The following LILRB4 variants were observed in gnomAD, a reference collection of about 807,000 sequenced individuals.
The protein encoded by LILRB4 is leukocyte immunoglobulin-like receptor subfamily B member 4.
A neutral mutation model predicts 55.2 loss-of-function variants in LILRB4; 49 were observed. That is an observed-to-expected ratio of 0.89 (90% CI 0.71 to 1.13). LILRB4 has a LOEUF of 1.13. LILRB4 is among the 50% of genes most tolerant of loss of function. The pLI is 0.00. For synonymous variants in LILRB4, 229 were observed against 213.8 expected (o/e 1.07, Z -0.62); for missense variants, 590 against 555.2 (o/e 1.06, Z -0.63).
At position 54,666,728 on chromosome 19, in the gene LILRB4, C is replaced by T. The variant is rs149652762; in HGVS notation, c.1020C>T (p.Asp340=). The T allele has an allele frequency of 2.2e-4, 353 of 1,614,154 alleles. No individual in the cohort carries two copies. Among genetic ancestry groups the T allele is most frequent in the Middle Eastern group, 9.9e-4 (6 of 6,056 alleles). Residue 340 remains aspartate (D), a synonymous_variant, in exon 10 of 12, where the codon GAC becomes GAT. Coordinates refer to ENST00000430952, the Ensembl canonical transcript of LILRB4. This position sits in a 1 kb window ranked among gnomAD's most constrained non-coding sequence, Gnocchi z 4.8. ...CCGTGAAGAACACACAGCCTGAGGA[C>T]GGGGTGGAAATGGACACTCGGGTGA...
chr19:54,665,194 T>C lies in LILRB4; in HGVS notation c.757+14T>C. 1 of 1,589,422 alleles carries C rather than the reference T, an allele frequency of 6.3e-7. No homozygotes were observed. Among genetic ancestry groups the C allele is most frequent in the Non-Finnish European group, 8.6e-7 (1 of 1,166,478 alleles). On this transcript the variant is annotated intron_variant, in intron 6 of 11. Coordinates refer to ENST00000430952, the Ensembl canonical transcript of LILRB4. This position sits in a 1 kb window ranked among gnomAD's most constrained non-coding sequence, Gnocchi z 5.5. The stretch of plus-strand genomic sequence containing the variant: ...TCCCCCACAGTGGTGAGTGAGGGGC[T>C]CTGAGTGGGAGGTGGGCAGGGTCTA...
rs754429772 is a variant in LILRB4 at position 54,666,729 on chromosome 19, G to A, written c.1021G>A (p.Gly341Arg). The change falls in exon 10 of 12, where the codon GGG (glycine) becomes AGG (arginine). Residue 341 changes from glycine (G) to arginine (R), a missense_variant. Transcript: ENST00000430952. The surrounding 1 kb of genome is among the most constrained non-coding windows in gnomAD (Gnocchi z 4.8). ...CGTGAAGAACACACAGCCTGAGGAC[G>A]GGGTGGAAATGGACACTCGGGTGAG... 5.8e-5 allele frequency: 94 copies of A among 1,614,066 alleles called. 1 individual carries two copies. In the South Asian group the frequency reaches 6.4e-4, roughly 11 times the overall value.
intron 10 of LILRB4, chr19:54,667,213 C>T (rs548261207): frequency 1.8e-4 from 103 of 560,636 alleles, no homozygotes; most frequent in African/African-American, 1.3e-3. Flanking sequence ...AGGAGTGCAA[C>T]GTGCTGTAAG....
chr19:54,666,663 C>T lies in LILRB4; in HGVS notation c.989-34C>T, dbSNP rs566877146. 68 of 1,609,486 alleles carry T rather than the reference C, an allele frequency of 4.2e-5. 2 individuals are homozygous for T. The South Asian group carries it at 7.3e-4, about 17-fold the overall frequency. ...GGAATGAGAGGTCCCAGGGAACCTT[C>T]CCAGGAGATGAACCCCTTGCTCTAC... On this transcript the variant is annotated intron_variant, in intron 9 of 11. Transcript: ENST00000430952. This position sits in a 1 kb window ranked among gnomAD's most constrained non-coding sequence, Gnocchi z 4.8.
chr19:54,663,217 C>A (rs897159842), intron 1 of LILRB4, 150 bp downstream of exon 1: 9 of 906,890 alleles, frequency 9.9e-6, no homozygotes, highest in East Asian at 2.7e-5. Context: ...GAGGCCGAGG[C>A]GGGCGGATCA....
At chr19:54,663,155 A>C in intron 1 of LILRB4, 88 bp downstream of exon 1, 2 of 1,477,316 alleles carry the variant, frequency 1.4e-6, no homozygotes, top group South Asian at 1.3e-5. Flanking sequence ...AGACTCAAAA[A>C]TCTCAGGGTA....
Position 54,664,116 on chromosome 19 carries a change from C to T in LILRB4, c.356-70C>T, listed in dbSNP as rs1416762671. On this transcript the variant is annotated intron_variant, in intron 3 of 11. Transcript: ENST00000430952. Reference sequence around the variant, plus strand: ...TCAGCTCTCAGGGGCATCTCCCTCTCACAGCCCAGCCCTGGGGATGATGTG... The same window carrying T: ...TCAGCTCTCAGGGGCATCTCCCTCTTACAGCCCAGCCCTGGGGATGATGTG... 4 of 1,596,110 alleles carry T rather than the reference C, an allele frequency of 2.5e-6. No individual in the cohort carries two copies. The Admixed American group carries it at 6.8e-5, about 27-fold the overall frequency.
rs201717421 is a variant in LILRB4, at chr19:54,666,771, C to T, written c.1041+22C>T. ...TCGGGTGAGAACCCGCCCCTGTCCC[C>T]GGCACCAAAGGCCTCCTGGTGCCAG... On this transcript the variant is annotated intron_variant, in intron 10 of 11. Transcript: ENST00000430952. This position sits in a 1 kb window ranked among gnomAD's most constrained non-coding sequence, Gnocchi z 4.8. The T allele has an allele frequency of 5.1e-5, 82 of 1,610,872 alleles. No individual in the cohort carries two copies. Among genetic ancestry groups the T allele is most frequent in the Middle Eastern group, 3.3e-4 (2 of 5,972 alleles).
At chr19:54,664,145 G>A in intron 3 of LILRB4, 41 bp from the exon 4 acceptor site, 3 of 1,131,558 alleles carry the variant, frequency 2.7e-6, no homozygotes, top group South Asian at 1.6e-5. Context: ...TGATGTGGGA[G>A]GTGGGAGCCC....
intron 1 of LILRB4, 89 bp from the exon 2 acceptor site, chr19:54,663,443 C>CAAACAAAAAA (rs2065103294): frequency 2.9e-6 from 2 of 680,228 alleles, no homozygotes; most frequent in African/African-American, 4.0e-5. Context: ...GACTCCGTCT[C>CAAACAAAAAA]AAAAAAAAAA....
At chr19:54,668,369 A>G (rs550793413) in exon 12 of LILRB4, 89 of 228,258 alleles carry the variant, frequency 3.9e-4, no homozygotes, top group African/African-American at 1.9e-3. Context: ...GAGAAAAATT[A>G]ATAAAGTCAA....
rs1599931649 is a variant in LILRB4, at chr19:54,666,832, C to A, written c.1041+83C>A. 1.5e-6 allele frequency: 2 copies of A among 1,349,950 alleles called. No individual in the cohort carries two copies. Among genetic ancestry groups the A allele is most frequent in the Middle Eastern group, 2.3e-4 (1 of 4,370 alleles). The allele number at this position is 1,349,950 out of a possible 1,614,324, so 83.6% of individuals were successfully genotyped here. A position where few individuals can be genotyped will look rare whatever the true frequency, so the allele number is the denominator to read the frequency against. The stretch of plus-strand genomic sequence containing the variant: ...GCAGGACTTCTCTGTCCTCCTTCCC[C>A]CGGCTCTCAGCATCGTCACGGTGGA... On this transcript the variant is annotated intron_variant, in intron 10 of 11. Transcript: ENST00000430952. This position sits in a 1 kb window ranked among gnomAD's most constrained non-coding sequence, Gnocchi z 4.8.
chr19:54,663,598 T>C, intron 2 of LILRB4, 31 bp downstream of exon 2: 1 of 1,612,922 alleles, frequency 6.2e-7, no homozygotes, highest in Non-Finnish European at 8.5e-7. Flanking sequence ...CCCAGGTCCC[T>C]CCTCCTCACT....
rs532836526 is a variant in LILRB4 at position 54,665,333 on chromosome 19, T to A, written c.757+153T>A. The A allele has an allele frequency of 1.7e-4, 147 of 876,744 alleles. 1 individual carries two copies. The African/African-American group carries it at 2.6e-3, about 16-fold the overall frequency. The allele number at this position is 876,744 out of a possible 1,614,324, so 54.3% of individuals were successfully genotyped here. The stretch of plus-strand genomic sequence containing the variant: ...TCTCCAAGTGTAAAGGAGAGAGGCC[T>A]GCGGGTGGGAAAGTTCCTTTCAGCT... On this transcript the variant is annotated intron_variant, in intron 6 of 11. Transcript: ENST00000430952. This position sits in a 1 kb window ranked among gnomAD's most constrained non-coding sequence, Gnocchi z 5.5.
At position 54,665,047 on chromosome 19, in the gene LILRB4, G is replaced by T. The variant is rs760297696; in HGVS notation, c.707-83G>T. 4 of 1,551,992 alleles carry T rather than the reference G, an allele frequency of 2.6e-6. No homozygotes were observed. Among genetic ancestry groups the T allele is most frequent in the Middle Eastern group, 1.7e-4 (1 of 5,908 alleles). ...GCTGGTGAGGGGTGAGGGGGTCAAG[G>T]CTGAAGGAGATGTTGCGGGGAGAAG... is the stretch of plus-strand genomic sequence containing the variant. On this transcript the variant is annotated intron_variant, in intron 5 of 11. Transcript: ENST00000430952. The surrounding 1 kb of genome is among the most constrained non-coding windows in gnomAD (Gnocchi z 5.5).
intron 10 of LILRB4, 144 bp from the exon 11 acceptor site, chr19:54,667,491 G>A (rs572577857): frequency 2.6e-4 from 371 of 1,449,226 alleles, no homozygotes; most frequent in Non-Finnish European, 3.1e-4. Context: ...GGGAGGGAGC[G>A]GCCAGACCCT....
In LILRB4 at chr19:54,666,875, C is replaced by T. The variant is rs45561539; in HGVS notation, c.1041+126C>T. 1,500 of 972,978 alleles carry T rather than the reference C, an allele frequency of 1.5e-3. 3 individuals carry two copies. The highest frequency in any genetic ancestry group is 1.9e-3 in the Non-Finnish European group (1,142 of 597,740). 60.3% of individuals were successfully genotyped at this position (972,978 alleles called of 1,614,324 possible). A position where few individuals can be genotyped will look rare whatever the true frequency, so the allele number is the denominator to read the frequency against. On this transcript the variant is annotated intron_variant, in intron 10 of 11. Transcript: ENST00000430952. This position sits in a 1 kb window ranked among gnomAD's most constrained non-coding sequence, Gnocchi z 4.8. ...ACGGTGGACCCCTCCTTGTCCAGCA[C>T]GCTGCCTCCTGCCTGCTGGGACCTC... is the stretch of plus-strand genomic sequence containing the variant.
chr19:54,663,885 C>T, exon 3 of LILRB4: 1 of 1,614,164 alleles, frequency 6.2e-7, no homozygotes, highest in Non-Finnish European at 8.5e-7. Flanking sequence ...AAGCCCAGCA[C>T]CCTGGGACAG....
At chr19:54,663,689 G>C in intron 2 of LILRB4, 65 bp from the exon 3 acceptor site, 1 of 1,608,720 alleles carries the variant, frequency 6.2e-7, no homozygotes, top group Non-Finnish European at 8.5e-7. Context: ...GGGGGTCCTG[G>C]GGCTGAGAGC....
Sources: allele counts gnomAD v4.1 joint callset, GRCh38; gene constraint gnomAD v4.1.1; non-coding constraint Gnocchi (gnomAD v3.1); transcripts MANE v1.5; gene names NCBI Gene and HGNC (gene_info 2026-07-23, HGNC 2026-07-21).